SSBP2: variants seen among roughly 807,000 people sequenced by gnomAD.
SSBP2 encodes single-stranded DNA-binding protein 2.
Under a neutral mutation model 61.8 loss-of-function variants are expected in SSBP2, and 17 were observed. The ratio of observed to expected loss-of-function variants is 0.28; its 90% CI spans 0.19 to 0.41. The LOEUF is 0.41. Among genes scored for constraint, SSBP2 ranks in the 10% least tolerant of loss-of-function variants. The pLI, the probability that SSBP2 is intolerant of heterozygous loss-of-function variation, is 1.00. For missense variants in SSBP2, 310 were observed against 458.7 expected (o/e 0.68, Z 2.96); for synonymous variants, 139 against 141.3 (o/e 0.98, Z 0.12).
At chr5:81,569,272 G>C (rs1245185728) in intron 4 of SSBP2, among the ~76,000 whole-genome samples, 1 of 152,026 alleles carries the variant, frequency 6.6e-6, no homozygotes, top group Admixed American at 6.6e-5. Context: ...ACATAAAACA[G>C]TTCTATCACC....
chr5:81,716,732 C>T (rs1755194475), intron 1 of SSBP2, among the ~76,000 whole-genome samples: 1 of 152,174 alleles, frequency 6.6e-6, no homozygotes, highest in Admixed American at 6.5e-5. Context: ...TACTAAGCAT[C>T]CCAAAACTAC....
At chr5:81,744,476 A>G (rs570163317) in intron 1 of SSBP2, among the ~76,000 whole-genome samples, 2 of 152,258 alleles carry the variant, frequency 1.3e-5, no homozygotes, top group South Asian at 4.1e-4. Flanking sequence ...ATTTTCATCT[A>G]TTATTCTTGC....
chr5:81,681,922 T>C (rs1752417090), intron 1 of SSBP2, among the ~76,000 whole-genome samples: 1 of 152,080 alleles, frequency 6.6e-6, no homozygotes, highest in African/African-American at 2.4e-5. Flanking sequence ...GAATAATAAA[T>C]ACTATGAACA....
chr5:81,627,362 G>A (rs1747273220), intron 3 of SSBP2, among the ~76,000 whole-genome samples: 1 of 151,884 alleles, frequency 6.6e-6, no homozygotes, highest in African/African-American at 2.4e-5. Flanking sequence ...TAGCCCCGTT[G>A]TCACCTACAC....
chr5:81,550,398 T>G (rs1366171313), intron 4 of SSBP2, among the ~76,000 whole-genome samples: 1 of 152,220 alleles, frequency 6.6e-6, no homozygotes, highest in East Asian at 1.9e-4. Context: ...ACTTAACAGC[T>G]AGATGTTGAA....
intron 4 of SSBP2, among the ~76,000 whole-genome samples, chr5:81,588,055 C>T (rs778176166): frequency 2.0e-4 from 30 of 152,068 alleles, no homozygotes; most frequent in Non-Finnish European, 4.3e-4. Flanking sequence ...GTCTCAACAT[C>T]CAGGGGCTCA....
At chr5:81,570,692 T>TA (rs200688875) in intron 4 of SSBP2, among the ~76,000 whole-genome samples, 3 of 130,894 alleles carry the variant, frequency 2.3e-5, no homozygotes, top group African/African-American at 9.8e-5. Context: ...GTAAAATAAT[T>TA]AAAATTTTTT....
chr5:81,633,108 C>CTTT lies in SSBP2; in HGVS notation c.197+3446_197+3448dup, dbSNP rs143423636. ...CCTACCTTTTTAGCTGAGCCTCTGT[C>CTTT]TTTTTTTTTTTTTTTTTTTTTTTTT... On this transcript the variant is annotated intron_variant, in intron 3 of 16. Transcript: ENST00000320672. 3.4e-3 allele frequency among the ~76,000 whole-genome samples: 223 copies of CTTT among 64,856 alleles called. 42 individuals are homozygous for CTTT. Among genetic ancestry groups the CTTT allele is most frequent in the African/African-American group, 0.014 (191 of 13,842 alleles). The allele number at this position is 64,856 out of a possible 152,430, so 42.5% of individuals were successfully genotyped here.
chr5:81,485,391 G>T (rs1471015831), intron 6 of SSBP2, among the ~76,000 whole-genome samples: 2 of 151,978 alleles, frequency 1.3e-5, no homozygotes, highest in Non-Finnish European at 2.9e-5. Context: ...CATATACAAA[G>T]AATATACACC....
intron 5 of SSBP2, among the ~76,000 whole-genome samples, chr5:81,494,753 T>C (rs1430902217): frequency 6.6e-6 from 1 of 151,654 alleles, no homozygotes; most frequent in South Asian, 2.1e-4. Context: ...ATAAATGGAA[T>C]AACCCAAAGT....
intron 1 of SSBP2, among the ~76,000 whole-genome samples, chr5:81,747,147 T>C (rs1184431522): frequency 3.3e-5 from 5 of 152,108 alleles, no homozygotes; most frequent in Admixed American, 6.5e-5. Context: ...GCACCAGTGG[T>C]TAAGACTGCA....
intron 12 of SSBP2, among the ~76,000 whole-genome samples, chr5:81,446,640 C>G (rs1387559886): frequency 1.3e-5 from 2 of 152,168 alleles, no homozygotes; most frequent in African/African-American, 4.8e-5. Flanking sequence ...TATAGATCAA[C>G]AGTGTTCATC....
At chr5:81,643,595 CTTTTTTTTTTT>C (rs368511957) in intron 2 of SSBP2, among the ~76,000 whole-genome samples, 1 of 60,272 alleles carries the variant, frequency 1.7e-5, no homozygotes, top group South Asian at 7.3e-4. Flanking sequence ...TTTTTCCTTT[CTTTTTTTTTTT>C]TTTTTTTTTT....
intron 1 of SSBP2, among the ~76,000 whole-genome samples, chr5:81,661,897 T>A (rs1030838503): frequency 6.6e-4 from 101 of 152,322 alleles, no homozygotes; most frequent in African/African-American, 2.3e-3. Flanking sequence ...TGAGGTCATA[T>A]CCATGAAATC....
intron 1 of SSBP2, among the ~76,000 whole-genome samples, chr5:81,669,625 G>A (rs1466505646): frequency 6.6e-6 from 1 of 152,010 alleles, no homozygotes; most frequent in Non-Finnish European, 1.5e-5. Context: ...ACACATGATG[G>A]GGAACATCAC....
intron 4 of SSBP2, among the ~76,000 whole-genome samples, chr5:81,580,045 A>G (rs114368184): frequency 0.012 from 1,777 of 152,194 alleles, 27 homozygotes; most frequent in African/African-American, 0.04. Flanking sequence ...AACTATTTCA[A>G]TGGGCCTTGC....
intron 4 of SSBP2, among the ~76,000 whole-genome samples, chr5:81,563,590 A>C (rs1773210716): frequency 6.6e-6 from 1 of 152,226 alleles, no homozygotes; most frequent in South Asian, 2.1e-4. Context: ...AACAGAATAG[A>C]AAGCCCAGAA....
At chr5:81,546,394 A>G (rs1253875559) in intron 4 of SSBP2, among the ~76,000 whole-genome samples, 1 of 152,168 alleles carries the variant, frequency 6.6e-6, no homozygotes, top group African/African-American at 2.4e-5. Context: ...TTACTGATAT[A>G]GGAGTCAATT....
intron 1 of SSBP2, among the ~76,000 whole-genome samples, chr5:81,682,617 A>G (rs1752481226): frequency 6.6e-6 from 1 of 152,206 alleles, no homozygotes; most frequent in South Asian, 2.1e-4. Flanking sequence ...AAAAATGTCA[A>G]GGATGTTCCC....
Sources: allele counts gnomAD v4.1 joint callset (sites outside exome capture counted in the v4.1 genomes callset), GRCh38; gene constraint gnomAD v4.1.1; transcripts MANE v1.5; gene names NCBI Gene and HGNC (gene_info 2026-07-23, HGNC 2026-07-21).